Variants in ZNF438 observed in about 807,000 individuals in gnomAD.
ZNF438 encodes the protein zinc finger protein 438.
In ZNF438, 25 loss-of-function variants were observed where a neutral mutation model predicts 38.0. The observed-to-expected ratio is 0.66, with a 90% CI of 0.48 to 0.92. The LOEUF (loss-of-function observed/expected upper bound fraction) is 0.92. Ranked by LOEUF, ZNF438 falls within the 40% of genes least tolerant of loss-of-function variation. ZNF438 has a pLI of 0.00. For missense variants in ZNF438, 1,007 were observed against 999.6 expected (o/e 1.01, Z -0.10); for synonymous variants, 372 against 364.1 (o/e 1.02, Z -0.25).
intron 1 of ZNF438, among the ~76,000 whole-genome samples, chr10:31,026,688 C>T (rs1019899761): frequency 2.6e-5 from 4 of 152,110 alleles, no homozygotes; most frequent in Non-Finnish European, 5.9e-5. Flanking sequence ...TGTGGCGATT[C>T]CTCAAGGATC....
At chr10:30,957,359 T>C (rs2048975277) in intron 1 of ZNF438, among the ~76,000 whole-genome samples, 1 of 152,222 alleles carries the variant, frequency 6.6e-6, no homozygotes, top group East Asian at 1.9e-4. Flanking sequence ...TTCACTCTGT[T>C]GTTTCCTTTG....
At chr10:30,953,409 A>AAAC (rs1466215886) in intron 1 of ZNF438, among the ~76,000 whole-genome samples, 10 of 152,012 alleles carry the variant, frequency 6.6e-5, no homozygotes, top group African/African-American at 2.2e-4. Context: ...TAATAAAAAA[A>AAAC]ATTTAAAAAA....
intron 3 of ZNF438, among the ~76,000 whole-genome samples, chr10:30,877,827 TA>T (rs745509418): frequency 6.6e-6 from 1 of 152,208 alleles, no homozygotes; most frequent in Non-Finnish European, 1.5e-5. Context: ...AAAATGTTCC[TA>T]AGCATGACAC....
chr10:30,987,888 G>C (rs181400507), intron 1 of ZNF438, among the ~76,000 whole-genome samples: 1 of 152,290 alleles, frequency 6.6e-6, no homozygotes, highest in East Asian at 1.9e-4. Flanking sequence ...TATTTTGAGA[G>C]AGCAGCCCAA....
intron 1 of ZNF438, among the ~76,000 whole-genome samples, chr10:31,010,687 G>C (rs1012365349): frequency 6.6e-6 from 1 of 151,818 alleles, no homozygotes; most frequent in South Asian, 2.1e-4. Flanking sequence ...AGGAGTTTTA[G>C]ATCAGCCTGG....
chr10:30,921,934 C>A (rs1407939754), intron 2 of ZNF438, among the ~76,000 whole-genome samples: 1 of 152,166 alleles, frequency 6.6e-6, no homozygotes, highest in East Asian at 1.9e-4. Flanking sequence ...GATGTAAAAA[C>A]CTCCAGGGTT....
At chr10:30,903,086 G>A (rs985434046) in intron 3 of ZNF438, among the ~76,000 whole-genome samples, 132 of 152,264 alleles carry the variant, frequency 8.7e-4, no homozygotes, top group African/African-American at 3.0e-3. Flanking sequence ...CCAGCCAGCC[G>A]CTCCCAGTGC....
chr10:30,935,341 T>C (rs2046131630), intron 2 of ZNF438, among the ~76,000 whole-genome samples: 1 of 152,254 alleles, frequency 6.6e-6, no homozygotes, highest in Non-Finnish European at 1.5e-5. Flanking sequence ...AGGCATATAG[T>C]TCCAGCATCT....
chr10:31,023,345 A>G (rs2056735679), intron 1 of ZNF438, among the ~76,000 whole-genome samples: 1 of 152,202 alleles, frequency 6.6e-6, no homozygotes, highest in African/African-American at 2.4e-5. Flanking sequence ...AAATAGACAT[A>G]ACCTTCACCA....
At chr10:30,972,339 G>C (rs971036214) in intron 1 of ZNF438, among the ~76,000 whole-genome samples, 3 of 152,152 alleles carry the variant, frequency 2.0e-5, no homozygotes, top group Non-Finnish European at 4.4e-5. Context: ...GTCTTAAGGA[G>C]TGCTATAATT....
At chr10:30,899,333 G>A (rs2041724162) in intron 3 of ZNF438, among the ~76,000 whole-genome samples, 1 of 152,154 alleles carries the variant, frequency 6.6e-6, no homozygotes. Flanking sequence ...ATCATACTTA[G>A]AAACAGCACA....
At chr10:30,864,728 G>A (rs1050923225) in intron 4 of ZNF438, among the ~76,000 whole-genome samples, 5 of 152,282 alleles carry the variant, frequency 3.3e-5, no homozygotes, top group African/African-American at 7.2e-5. Context: ...AGAAAGAGTC[G>A]TTAGGCCCCA....
At chr10:31,023,273 C>A (rs767485695) in intron 1 of ZNF438, among the ~76,000 whole-genome samples, 3 of 152,108 alleles carry the variant, frequency 2.0e-5, no homozygotes, top group Non-Finnish European at 4.4e-5. Flanking sequence ...ATCTATAATT[C>A]GGCATCTATC....
At chr10:30,873,784 A>C (rs934515607) in intron 4 of ZNF438, among the ~76,000 whole-genome samples, 3 of 152,128 alleles carry the variant, frequency 2.0e-5, no homozygotes, top group African/African-American at 7.2e-5. Flanking sequence ...TGATCATTAA[A>C]CCTGCTTCTA....
At chr10:31,030,828 T>C (rs935661972) in intron 1 of ZNF438, among the ~76,000 whole-genome samples, 1 of 152,224 alleles carries the variant, frequency 6.6e-6, no homozygotes, top group Non-Finnish European at 1.5e-5. Flanking sequence ...AACTAATCGA[T>C]AATGTAGTAC....
At chr10:30,962,265 A>C (rs2049580018) in intron 1 of ZNF438, among the ~76,000 whole-genome samples, 1 of 147,154 alleles carries the variant, frequency 6.8e-6, no homozygotes, top group Non-Finnish European at 1.5e-5. Context: ...TAAACTTGAC[A>C]TCAGAATAAC....
At chr10:30,969,006 A>C (rs1398953826) in intron 1 of ZNF438, among the ~76,000 whole-genome samples, 1 of 152,200 alleles carries the variant, frequency 6.6e-6, no homozygotes, top group Non-Finnish European at 1.5e-5. Context: ...GGTTAGGGTA[A>C]CAAAAATACA....
intron 1 of ZNF438, among the ~76,000 whole-genome samples, chr10:31,022,009 A>C (rs1564359590): frequency 6.6e-6 from 1 of 152,188 alleles, no homozygotes; most frequent in Non-Finnish European, 1.5e-5. Flanking sequence ...GTGCCTCAGG[A>C]CCTGAAGGAA....
intron 1 of ZNF438, among the ~76,000 whole-genome samples, chr10:31,017,014 A>G (rs1380380050): frequency 6.6e-6 from 1 of 152,256 alleles, no homozygotes; most frequent in Admixed American, 6.5e-5. Context: ...TTCCTAGTCC[A>G]GCGGCTCGCA....
Sources: gnomAD v4.1 joint callset for allele counts (sites outside exome capture counted in the v4.1 genomes callset) on GRCh38, gnomAD v4.1.1 for gene constraint, MANE v1.5 for transcripts, NCBI Gene and HGNC (gene_info 2026-07-23, HGNC 2026-07-21) for gene names.